Variants in SGSM1 observed in about 807,000 individuals in gnomAD.
The protein encoded by SGSM1 is small G protein signaling modulator 1.
Under a neutral mutation model 133.8 loss-of-function variants are expected in SGSM1, and 73 were observed. The ratio of observed to expected loss-of-function variants is 0.55; its 90% confidence interval spans 0.45 to 0.66. SGSM1 has a LOEUF of 0.66. Among genes scored for constraint, SGSM1 ranks in the 30% least tolerant of loss-of-function variants. The pLI, the probability that SGSM1 is intolerant of heterozygous loss-of-function variation, is 0.00. For missense variants in SGSM1, 1,213 were observed against 1,448.1 expected, an observed-to-expected ratio of 0.84 and a Z score of 2.64; for synonymous variants, 563 against 573.0, an observed-to-expected ratio of 0.98 and a Z score of 0.25.
At chr22:24,844,727 C>T in intron 2 of SGSM1, 170 bp from the exon 3 acceptor site, 1 of 587,594 alleles carries the variant, frequency 1.7e-6, no homozygotes, top group African/African-American at 1.9e-5. Flanking sequence ...TGTGACAGGC[C>T]TCAGACCTCC....
At chr22:24,899,018 T>G (rs990397418) in intron 19 of SGSM1, among the ~76,000 whole-genome samples, 9 of 51,868 alleles carry the variant, frequency 1.7e-4, no homozygotes, top group African/African-American at 3.5e-4. Context: ...CAGAGCAAGA[T>G]CTCAAAAAAA....
intron 10 of SGSM1, among the ~76,000 whole-genome samples, chr22:24,867,738 G>A (rs1931534941): frequency 6.6e-6 from 1 of 152,208 alleles, no homozygotes; most frequent in South Asian, 2.1e-4. Context: ...GAAAGCAAAT[G>A]GTCCGTGCCT....
At chr22:24,901,473 T>C (rs1464686193) in intron 19 of SGSM1, among the ~76,000 whole-genome samples, 2 of 152,196 alleles carry the variant, frequency 1.3e-5, no homozygotes, top group African/African-American at 2.4e-5. Flanking sequence ...CTTATTTTCT[T>C]GCCACATCAT....
At chr22:24,879,039 T>C (rs182156705) in intron 13 of SGSM1, among the ~76,000 whole-genome samples, 144 of 152,350 alleles carry the variant, frequency 9.5e-4, no homozygotes, top group Admixed American at 2.0e-3. Context: ...GTGGCAAAGA[T>C]GGCTCCCAGC....
At chr22:24,849,137 A>C (rs1336769250) in intron 4 of SGSM1, among the ~76,000 whole-genome samples, 1 of 152,152 alleles carries the variant, frequency 6.6e-6, no homozygotes, top group Non-Finnish European at 1.5e-5. Flanking sequence ...CTCATTCATA[A>C]ACATTTACTA....
At chr22:24,899,347 A>G (rs562095583) in intron 19 of SGSM1, among the ~76,000 whole-genome samples, 20 of 152,008 alleles carry the variant, frequency 1.3e-4, no homozygotes, top group African/African-American at 4.6e-4. Context: ...CCAAAAGCCT[A>G]CTGATGCCCT....
chr22:24,855,196 G>A, intron 6 of SGSM1, 89 bp from the exon 7 acceptor site: 1 of 1,551,440 alleles, frequency 6.4e-7, no homozygotes. Context: ...GGCTGGAGGG[G>A]AGGGTAGTGA....
At chr22:24,846,575 T>A (rs976756604) in intron 3 of SGSM1, among the ~76,000 whole-genome samples, 2 of 152,098 alleles carry the variant, frequency 1.3e-5, no homozygotes, top group Non-Finnish European at 2.9e-5. Context: ...TCAAAAGTAT[T>A]TGGGTGGGAG....
Position 24,806,261 on chromosome 22 carries a change from C to T in SGSM1, c.-65C>T, listed in dbSNP as rs536163868. On this transcript the variant is annotated 5_prime_UTR_variant, in exon 1 of 25. Transcript: ENST00000400358. Reference sequence around the variant, plus strand: ...GCGGCTGCAGCAGCAGCGCCGCGGCCGGAGGAGCTACCGCCGCCACCGCCG... The same window carrying T: ...GCGGCTGCAGCAGCAGCGCCGCGGCTGGAGGAGCTACCGCCGCCACCGCCG... 66 of 1,366,258 alleles carry T rather than the reference C, an allele frequency of 4.8e-5. No individual in the cohort carries two copies. In the African/African-American group the frequency reaches 8.4e-4, roughly 17 times the overall value. 84.6% of individuals were successfully genotyped at this position (1,366,258 alleles called of 1,614,324 possible).
At chr22:24,876,764 A>G (rs373627824) in intron 13 of SGSM1, 49 bp downstream of exon 13, 1 of 1,610,568 alleles carries the variant, frequency 6.2e-7, no homozygotes, top group African/African-American at 1.3e-5. Flanking sequence ...GATGTACCAG[A>G]GATCTGTAGA....
chr22:24,853,801 T>C (rs1418013934), intron 5 of SGSM1, among the ~76,000 whole-genome samples: 3 of 145,026 alleles, frequency 2.1e-5, no homozygotes, highest in African/African-American at 7.7e-5. Context: ...GTATTTTTAG[T>C]AGGTATGGGG....
At chr22:24,890,008 G>C (rs1445606645) in intron 16 of SGSM1, among the ~76,000 whole-genome samples, 1 of 124,454 alleles carries the variant, frequency 8.0e-6, no homozygotes, top group South Asian at 2.6e-4. Context: ...CCAGGCTGGA[G>C]TGCAGTGGCG....
At chr22:24,831,228 C>G (rs1601900494) in intron 2 of SGSM1, among the ~76,000 whole-genome samples, 1 of 151,438 alleles carries the variant, frequency 6.6e-6, no homozygotes, top group African/African-American at 2.4e-5. Flanking sequence ...GGATCAACAC[C>G]AGGAGGTGGA....
intron 9 of SGSM1, among the ~76,000 whole-genome samples, chr22:24,864,591 G>A (rs1601935811): frequency 6.6e-6 from 1 of 152,196 alleles, no homozygotes; most frequent in Non-Finnish European, 1.5e-5. Flanking sequence ...GCATGTTGTA[G>A]GATTCCATTT....
Position 24,927,425 on chromosome 22 carries a change from T to C in SGSM1, c.*3151T>C, listed in dbSNP as rs985162658. ...AGTCACATGACTCAGCCCAGCTTCA[T>C]AGGGTAGGGAAATAGACTGTACTTC... On this transcript the variant is annotated 3_prime_UTR_variant, in exon 25 of 25. Coordinates refer to ENST00000400358, the MANE Select transcript of SGSM1 (RefSeq NM_001098497.3). 6.6e-6 allele frequency: 1 copy of C among 152,148 alleles called. No individual in the cohort carries two copies. Among genetic ancestry groups the C allele is most frequent in the Non-Finnish European group, 1.5e-5 (1 of 68,030 alleles). The allele number at this position is 152,148 out of a possible 1,614,324, so 9.4% of individuals were successfully genotyped here. A position where few individuals can be genotyped will look rare whatever the true frequency, so the allele number is the denominator to read the frequency against.
chr22:24,926,345 C>G lies in SGSM1; in HGVS notation c.*2071C>G, dbSNP rs1934204190. 1 of 152,200 alleles carries G rather than the reference C, an allele frequency of 6.6e-6. No homozygotes were observed. The highest frequency in any genetic ancestry group is 6.5e-5 in the Admixed American group (1 of 15,272). The allele number at this position is 152,200 out of a possible 1,614,324, so 9.4% of individuals were successfully genotyped here. On this transcript the variant is annotated 3_prime_UTR_variant, in exon 25 of 25. Coordinates refer to ENST00000400358, the MANE Select transcript of SGSM1 (RefSeq NM_001098497.3). Reference sequence around the variant, plus strand: ...CCGGCTCCCAGCTCCTACCCTACCCCCACCAAAGCAGAAACGGGAGACGGC... The same window carrying G: ...CCGGCTCCCAGCTCCTACCCTACCCGCACCAAAGCAGAAACGGGAGACGGC...
In SGSM1 at chr22:24,841,101, T is replaced by G. The variant is rs187785310; in HGVS notation, c.64-3796T>G. On this transcript the variant is annotated intron_variant, in intron 2 of 24. Transcript: ENST00000400358. Reference sequence around the variant, plus strand: ...TCCTGACCTTGTGATCCGCCCGCCTTGGCCTCCCAAAGTGCTGGGATTACA... The same window carrying G: ...TCCTGACCTTGTGATCCGCCCGCCTGGGCCTCCCAAAGTGCTGGGATTACA... 5.7e-3 allele frequency among the ~76,000 whole-genome samples: 871 copies of G among 151,592 alleles called. 7 individuals are homozygous for G. The highest frequency in any genetic ancestry group is 0.041 in the Middle Eastern group (12 of 294).
intron 9 of SGSM1, among the ~76,000 whole-genome samples, chr22:24,863,080 C>T (rs187980603): frequency 4.6e-5 from 7 of 152,322 alleles, no homozygotes; most frequent in South Asian, 2.1e-4. Context: ...CCCGCCCCAG[C>T]GCAGATAATC....
intron 22 of SGSM1, among the ~76,000 whole-genome samples, chr22:24,912,962 AT>A (rs1280935682): frequency 6.6e-6 from 1 of 152,164 alleles, no homozygotes; most frequent in Non-Finnish European, 1.5e-5. Context: ...GTCCCAATAA[AT>A]TATTAGAATT....
Sources: gnomAD v4.1 joint callset for allele counts (sites outside exome capture counted in the v4.1 genomes callset) on GRCh38, gnomAD v4.1.1 for gene constraint, MANE v1.5 for transcripts, NCBI Gene and HGNC (gene_info 2026-07-23, HGNC 2026-07-21) for gene names.